Variants in ZNRF1 observed in about 807,000 individuals in gnomAD.
ZNRF1 encodes the protein E3 ubiquitin-protein ligase ZNRF1.
A neutral mutation model predicts 18.4 loss-of-function variants in ZNRF1; 3 were observed. The ratio of observed to expected loss-of-function variants is 0.16; its 90% CI spans 0.07 to 0.42. The LOEUF (loss-of-function observed/expected upper bound fraction) is 0.42. Ranked by LOEUF, ZNRF1 falls within the 10% of genes least tolerant of loss-of-function variation. The pLI is 0.99. For missense variants in ZNRF1, 310 were observed against 329.8 expected (o/e 0.94, Z 0.47); for synonymous variants, 157 against 144.2 (o/e 1.09, Z -0.64).
chr16:75,049,301 G>T (rs1470184580), intron 1 of ZNRF1, among the ~76,000 whole-genome samples: 1 of 152,044 alleles, frequency 6.6e-6, no homozygotes, highest in Admixed American at 6.6e-5. Context: ...ACCACACCCG[G>T]CCTGGAATCC....
rs893918615 is a variant in ZNRF1 at position 74,999,840 on chromosome 16, A to G, written c.169A>G (p.Met57Val). Residue 57 changes from methionine to valine, a missense_variant, in exon 1 of 5, where the codon ATG (methionine) becomes GTG (valine). This residue lies in a region of ZNRF1 where 293 missense variants were observed against 291.2 expected (regional missense o/e 1.01). Coordinates refer to ENST00000335325, the MANE Select transcript of ZNRF1 (RefSeq NM_032268.5). ...CCGCTCGGTCAGCTCGGTGGCAGGC[A>G]TGGGCATGGACCCCAGCACGGCCGG... ...RSRSVSSVAG[M>V]GMDPSTAGGV... 1.2e-5 allele frequency: 17 copies of G among 1,473,644 alleles called. No individual in the cohort carries two copies. Among genetic ancestry groups the G allele is most frequent in the South Asian group, 5.3e-5 (4 of 75,018 alleles). 91.3% of individuals were successfully genotyped at this position (1,473,644 alleles called of 1,614,324 possible). A position where few individuals can be genotyped will look rare whatever the true frequency, so the allele number is the denominator to read the frequency against.
intron 1 of ZNRF1, among the ~76,000 whole-genome samples, chr16:75,089,403 C>G (rs565327172): frequency 6.6e-6 from 1 of 152,316 alleles, no homozygotes; most frequent in South Asian, 2.1e-4. Flanking sequence ...GCCACCGTGC[C>G]CAGCCCAGAG....
intron 1 of ZNRF1, among the ~76,000 whole-genome samples, chr16:75,065,119 A>G (rs1416029796): frequency 6.6e-6 from 1 of 152,252 alleles, no homozygotes; most frequent in Non-Finnish European, 1.5e-5. Flanking sequence ...AATTATACCA[A>G]TCCCATTGCC....
chr16:75,096,207 T>A (rs1296767784), intron 2 of ZNRF1, among the ~76,000 whole-genome samples: 1 of 152,122 alleles, frequency 6.6e-6, no homozygotes, highest in Non-Finnish European at 1.5e-5. Flanking sequence ...GGACTTTGTC[T>A]CAACGTGGTG....
intron 2 of ZNRF1, among the ~76,000 whole-genome samples, chr16:75,101,190 T>C (rs1324884508): frequency 6.6e-6 from 1 of 152,198 alleles, no homozygotes; most frequent in Non-Finnish European, 1.5e-5. Context: ...TGCCTCAGCC[T>C]CCCAGAATGC....
chr16:75,068,937 C>T (rs2035836116), intron 1 of ZNRF1, among the ~76,000 whole-genome samples: 1 of 151,668 alleles, frequency 6.6e-6, no homozygotes. Context: ...ATTTTGGGAG[C>T]ATTAAAAAAT....
rs1460563172 is a variant in ZNRF1, at chr16:74,999,210, A to T, written c.-462A>T. 6.8e-6 allele frequency: 1 copy of T among 146,706 alleles called. No individual in the cohort carries two copies. Among genetic ancestry groups the T allele is most frequent in the Non-Finnish European group, 1.5e-5 (1 of 66,052 alleles). The allele number at this position is 146,706 out of a possible 1,614,324, so 9.1% of individuals were successfully genotyped here. A position where few individuals can be genotyped will look rare whatever the true frequency, so the allele number is the denominator to read the frequency against. ...CCTGGAGGGGTCCGGGCCGCCGTCC[A>T]TGGTCGCGGCGTCCTGAGGCGGGGG... On this transcript the variant is annotated 5_prime_UTR_variant, in exon 1 of 5. It removes an upstream start codon present in the reference 5' UTR. Coordinates refer to ENST00000335325, the MANE Select transcript of ZNRF1 (RefSeq NM_032268.5).
At chr16:75,095,803 T>TC in intron 2 of ZNRF1, 1 of 1,428,528 alleles carries the variant, frequency 7.0e-7, no homozygotes, top group Non-Finnish European at 9.3e-7. Flanking sequence ...CCACCATGTG[T>TC]CCCCCTGTCC....
intron 1 of ZNRF1, among the ~76,000 whole-genome samples, chr16:75,089,618 G>A (rs1212861258): frequency 1.3e-5 from 2 of 152,202 alleles, no homozygotes; most frequent in Non-Finnish European, 1.5e-5. Context: ...TAGATTTGAA[G>A]CAGAGAACCC....
chr16:75,003,886 A>C (rs1175240814), intron 1 of ZNRF1, among the ~76,000 whole-genome samples: 1 of 152,066 alleles, frequency 6.6e-6, no homozygotes, highest in Non-Finnish European at 1.5e-5. Flanking sequence ...AAGTCAAAGG[A>C]CATTCTAAAT....
intron 3 of ZNRF1, chr16:75,105,572 C>T (rs1483277056): frequency 6.6e-6 from 1 of 152,540 alleles, no homozygotes; most frequent in Non-Finnish European, 1.5e-5. Context: ...CTCTCAGGGC[C>T]ACTGCTGCAC....
At chr16:75,064,757 T>C (rs937577598) in intron 1 of ZNRF1, among the ~76,000 whole-genome samples, 8 of 152,212 alleles carry the variant, frequency 5.3e-5, no homozygotes, top group Non-Finnish European at 1.2e-4. Flanking sequence ...AGAGCTGCTT[T>C]GGAGAATGGA....
chr16:75,011,001 G>A (rs1230579202), intron 1 of ZNRF1, among the ~76,000 whole-genome samples: 1 of 152,200 alleles, frequency 6.6e-6, no homozygotes. Context: ...GAGCCACCAT[G>A]CCCAGCTGGG....
At chr16:75,087,366 C>G (rs2036085928) in intron 1 of ZNRF1, among the ~76,000 whole-genome samples, 1 of 152,242 alleles carries the variant, frequency 6.6e-6, no homozygotes, top group African/African-American at 2.4e-5. Flanking sequence ...CTTGCCTTCT[C>G]TCAAGAGCTC....
intron 1 of ZNRF1, among the ~76,000 whole-genome samples, chr16:75,044,060 G>A (rs1305879636): frequency 1.3e-5 from 2 of 151,928 alleles, no homozygotes; most frequent in African/African-American, 4.8e-5. Context: ...TGATCCACCC[G>A]CCTCAGCCTC....
intron 1 of ZNRF1, among the ~76,000 whole-genome samples, chr16:75,086,583 A>G (rs957438758): frequency 2.0e-4 from 30 of 152,230 alleles, no homozygotes; most frequent in African/African-American, 7.0e-4. Flanking sequence ...TGATACCTAC[A>G]GCTTAGAAAT....
intron 1 of ZNRF1, among the ~76,000 whole-genome samples, chr16:75,035,187 G>C (rs2035362032): frequency 6.7e-6 from 1 of 148,296 alleles, no homozygotes; most frequent in South Asian, 2.1e-4. Context: ...GACTACAGGT[G>C]TGTGCACAAC....
intron 1 of ZNRF1, among the ~76,000 whole-genome samples, chr16:75,000,793 C>T (rs1460513450): frequency 1.3e-5 from 2 of 152,102 alleles, no homozygotes; most frequent in African/African-American, 2.4e-5. Context: ...ATCTTTTTTT[C>T]TTCTGCTCCA....
intron 1 of ZNRF1, among the ~76,000 whole-genome samples, chr16:75,052,400 C>CA (rs201568468): frequency 3.3e-3 from 385 of 116,780 alleles, no homozygotes; most frequent in East Asian, 0.012. Flanking sequence ...GACCCTGTCT[C>CA]AAAAAAAAAA....
Sources: allele counts gnomAD v4.1 joint callset (sites outside exome capture counted in the v4.1 genomes callset), GRCh38; gene constraint gnomAD v4.1.1; regional missense constraint gnomAD v4.1.1; transcripts MANE v1.5; gene names NCBI Gene and HGNC (gene_info 2026-07-23, HGNC 2026-07-21).